MYO15A: variants seen among roughly 807,000 people sequenced by gnomAD.
MYO15A encodes myosin XVA, also known as unconventional myosin-XV.
MYO15A carries 308 observed loss-of-function variants against 394.6 expected under a neutral mutation model. The observed-to-expected ratio is 0.78, with a 90% CI of 0.71 to 0.86. The LOEUF (loss-of-function observed/expected upper bound fraction) is 0.86, where lower values mean the gene tolerates loss of function less well. Among genes scored for constraint, MYO15A ranks in the 40% least tolerant of loss-of-function variants. The pLI is 0.00. For missense variants in MYO15A, 4,606 were observed against 4,799.1 expected (o/e 0.96, Z 1.19); for synonymous variants, 1,957 against 2,003.8 (o/e 0.98, Z 0.62).
chr17:18,120,834 G>C lies in MYO15A; in HGVS notation c.2034G>C (p.Pro678=). 1.7e-6 allele frequency: 2 copies of C among 1,172,968 alleles called. No individual in the cohort carries two copies. Among genetic ancestry groups the C allele is most frequent in the Non-Finnish European group, 2.1e-6 (2 of 950,386 alleles). 72.7% of individuals were successfully genotyped at this position (1,172,968 alleles called of 1,614,324 possible). ...RPPSSGPPPA[P]PLSPALSGLP... ...CAAGCTCCGGGCCCCCGCCCGCGCC[G>C]CCGCTCTCCCCGGCGCTCTCGGGCC... Residue 678 remains proline (P), a synonymous_variant, in exon 2 of 66, where the codon CCG becomes CCC. Transcript: ENST00000647165.
intron 65 of MYO15A, among the ~76,000 whole-genome samples, chr17:18,174,265 T>C (rs1395983180): frequency 6.6e-6 from 1 of 152,074 alleles, no homozygotes; most frequent in Non-Finnish European, 1.5e-5. Context: ...TGACAGATGG[T>C]GAAACTGAGA....
Position 18,149,579 on chromosome 17 carries a change from C to A in MYO15A, c.7211C>A (p.Ala2404Glu), listed in dbSNP as rs375050588. 7 of 1,613,864 alleles carry A rather than the reference C, an allele frequency of 4.3e-6. No homozygotes were observed. Among genetic ancestry groups the A allele is most frequent in the Admixed American group, 1.7e-5 (1 of 60,008 alleles). ...GACCCTGTGCTGTCCTACGGGGATG[C>A]GGTAGGGATGGTGTGGGGTGGGTCA... ...LFDPVLSYGD[A>E]DLEKPTAIAY... Residue 2404 changes from alanine (A) to glutamate (E), a missense_variant and splice_region_variant, in exon 35 of 66, where the codon GCG becomes GAG. By Grantham distance (107) the Ala-to-Glu change is moderately radical. Transcript: ENST00000647165.
chr17:18,178,369 G>A (rs62073651), intron 65 of MYO15A: 1 of 315,792 alleles, frequency 3.2e-6, no homozygotes, highest in South Asian at 2.8e-5. Context: ...ACTCCATCTA[G>A]GAAAAAAAAA....
chr17:18,114,633 C>T (rs2045762965), intron 1 of MYO15A, among the ~76,000 whole-genome samples: 1 of 152,182 alleles, frequency 6.6e-6, no homozygotes, highest in African/African-American at 2.4e-5. Context: ...ATTCTTGTCA[C>T]AGTCACCCCT....
In MYO15A at chr17:18,150,679, T is replaced by C. The variant is rs2142367823; in HGVS notation, c.7328-19T>C. The C allele has an allele frequency of 3.1e-6, 5 of 1,590,218 alleles. No homozygotes were observed. Among genetic ancestry groups the C allele is most frequent in the Non-Finnish European group, 4.3e-6 (5 of 1,166,956 alleles). On this transcript the variant is annotated intron_variant, in intron 36 of 65. Transcript: ENST00000647165. The surrounding 1 kb of genome is among the most constrained non-coding windows in gnomAD (Gnocchi z 4.4). ...GGGCATCTCCGGTGCCATCTGTGCC[T>C]TCTGCCCCCTCCCCTCAGTCCCAGG...
At chr17:18,126,531 C>A in intron 5 of MYO15A, 75 bp downstream of exon 5, 1 of 1,401,152 alleles carries the variant, frequency 7.1e-7, no homozygotes, top group Non-Finnish European at 9.9e-7. Flanking sequence ...TGGATCCCGG[C>A]TGCACCTGAG....
At position 18,132,111 on chromosome 17, in the gene MYO15A, G is replaced by T. The variant is rs1404677934; in HGVS notation, c.4207-342G>T. Reference sequence around the variant, plus strand: ...TGCACAGGAAGTGCTCAGCCATCAAGAAGCTCTGTGTGTGCACATGTGGGC... The same window carrying T: ...TGCACAGGAAGTGCTCAGCCATCAATAAGCTCTGTGTGTGCACATGTGGGC... On this transcript the variant is annotated intron_variant, in intron 10 of 65. Coordinates refer to ENST00000647165, the MANE Select transcript of MYO15A (RefSeq NM_016239.4). The surrounding 1 kb of genome is among the most constrained non-coding windows in gnomAD (Gnocchi z 4.6). 6.6e-6 allele frequency among the ~76,000 whole-genome samples: 1 copy of T among 152,194 alleles called. No homozygotes were observed. The highest frequency in any genetic ancestry group is 6.5e-5 in the Admixed American group (1 of 15,284).
At chr17:18,128,247 C>T (rs1427174034) in intron 7 of MYO15A, among the ~76,000 whole-genome samples, 1 of 151,180 alleles carries the variant, frequency 6.6e-6, no homozygotes, top group African/African-American at 2.4e-5. Flanking sequence ...GAAGAGGTGT[C>T]TGCTAGGCAT....
At position 18,132,346 on chromosome 17, in the gene MYO15A, C is replaced by A; in HGVS notation, c.4207-107C>A. 1 of 863,906 alleles carries A rather than the reference C, an allele frequency of 1.2e-6. No individual in the cohort carries two copies. The highest frequency in any genetic ancestry group is 1.9e-6 in the Non-Finnish European group (1 of 519,304). The allele number at this position is 863,906 out of a possible 1,614,324, so 53.5% of individuals were successfully genotyped here. On this transcript the variant is annotated intron_variant, in intron 10 of 65. Transcript: ENST00000647165. The surrounding 1 kb of genome is among the most constrained non-coding windows in gnomAD (Gnocchi z 4.6). Reference sequence around the variant, plus strand: ...CAGAGGCGCGTGTTCTCATCTGCAGCCCACTGTGTGCATGTGCACTTGTGG... The same window carrying A: ...CAGAGGCGCGTGTTCTCATCTGCAGACCACTGTGTGCATGTGCACTTGTGG...
chr17:18,126,688 G>T, intron 5 of MYO15A, 103 bp from the exon 6 acceptor site: 2 of 1,359,458 alleles, frequency 1.5e-6, no homozygotes, highest in Non-Finnish European at 2.1e-6. Flanking sequence ...GTGAGGGGTG[G>T]GCAGGATTGG....
At chr17:18,171,862 G>A in intron 63 of MYO15A, 91 bp downstream of exon 63, 1 of 1,511,824 alleles carries the variant, frequency 6.6e-7, no homozygotes, top group South Asian at 1.2e-5. Context: ...CTCTTTCTTT[G>A]CACAAAGGCA....
At chr17:18,140,133 G>T (rs147427644) in intron 19 of MYO15A, among the ~76,000 whole-genome samples, 50 of 152,288 alleles carry the variant, frequency 3.3e-4, no homozygotes, top group African/African-American at 1.2e-3. Flanking sequence ...CTATGACAGA[G>T]CACAGGCCTG....
Position 18,136,451 on chromosome 17 carries a change from CTG to C in MYO15A, c.4634_4635del (p.Val1545GlyfsTer56). Reference sequence around the variant, plus strand: ...CGAGAGAAGATCTTCACGCCCCTAACTGTGGAGAGCGCTGTGGATGCCAGGTG... The same window carrying C: ...CGAGAGAAGATCTTCACGCCCCTAACTGGAGAGCGCTGTGGATGCCAGGTG... On this transcript the variant is annotated frameshift_variant, in exon 14 of 66. Transcript: ENST00000647165. LOFTEE classifies it high-confidence loss of function. 1 of 1,613,866 alleles carries C rather than the reference CTG, an allele frequency of 6.2e-7. No homozygotes were observed. The highest frequency in any genetic ancestry group is 8.5e-7 in the Non-Finnish European group (1 of 1,180,032).
chr17:18,142,518 C>A (rs1478975218), intron 24 of MYO15A, among the ~76,000 whole-genome samples: 1 of 152,220 alleles, frequency 6.6e-6, no homozygotes, highest in Non-Finnish European at 1.5e-5. Flanking sequence ...AGATTATAAG[C>A]TGTTGGGAAA....
chr17:18,121,267 TC>T lies in MYO15A; in HGVS notation c.2471del (p.Pro824GlnfsTer39). On this transcript the variant is annotated frameshift_variant, in exon 2 of 66. Transcript: ENST00000647165. LOFTEE classifies it high-confidence loss of function. The surrounding 1 kb of genome is among the most constrained non-coding windows in gnomAD (Gnocchi z 5.3). ...PARRPRSLQESPAPRRAAGRL... is the reference protein window; with the variant it reads ...PARRPRSLQEXPAPRRAAGRL... ...CCGCCGGCCCCGCTCGCTGCAGGAG[TC>T]CCCAGCCCCACGCCGAGCCGCTGGG... 8 of 1,413,292 alleles carry T rather than the reference TC, an allele frequency of 5.7e-6. No homozygotes were observed. Among genetic ancestry groups the T allele is most frequent in the South Asian group, 1.4e-5 (1 of 71,412 alleles). 87.5% of individuals were successfully genotyped at this position (1,413,292 alleles called of 1,614,324 possible). A position where few individuals can be genotyped will look rare whatever the true frequency, so the allele number is the denominator to read the frequency against.
In MYO15A at chr17:18,140,674, G is replaced by A. The variant is rs1040657744; in HGVS notation, c.5360+9G>A. 4 of 1,613,946 alleles carry A rather than the reference G, an allele frequency of 2.5e-6. No homozygotes were observed. Among genetic ancestry groups the A allele is most frequent in the Non-Finnish European group, 3.4e-6 (4 of 1,180,036 alleles). ...GTGGAAAAGATGGAGAGGTGGGGTG[G>A]GGGGCAGGTGGGCGGAGCACCCAGC... On this transcript the variant is annotated intron_variant, in intron 20 of 65. Coordinates refer to ENST00000647165, the MANE Select transcript of MYO15A (RefSeq NM_016239.4).
At chr17:18,175,569 T>C (rs1271237798) in intron 65 of MYO15A, among the ~76,000 whole-genome samples, 1 of 151,858 alleles carries the variant, frequency 6.6e-6, no homozygotes, top group Non-Finnish European at 1.5e-5. Context: ...GGGAGGGGCG[T>C]ACATGTGTAA....
rs377711222 is a variant in MYO15A, at chr17:18,119,286, C to T, written c.486C>T (p.Arg162=). The T allele has an allele frequency of 6.2e-7, 1 of 1,611,738 alleles. No homozygotes were observed. Among genetic ancestry groups the T allele is most frequent in the African/African-American group, 1.3e-5 (1 of 74,916 alleles). The part of the protein sequence containing the change: ...EQATVDAWLQ[R]SSSRMGSRKL... Reference sequence around the variant, plus strand: ...CCACAGTGGACGCCTGGCTGCAGCGCTCGAGCTCCCGCATGGGCTCCCGCA... The same window carrying T: ...CCACAGTGGACGCCTGGCTGCAGCGTTCGAGCTCCCGCATGGGCTCCCGCA... Residue 162 remains arginine (R), a synonymous_variant, in exon 2 of 66, where the codon CGC becomes CGT. Coordinates refer to ENST00000647165, the MANE Select transcript of MYO15A (RefSeq NM_016239.4).
At chr17:18,165,900 C>T (rs140167944) in intron 60 of MYO15A, among the ~76,000 whole-genome samples, 38 of 152,332 alleles carry the variant, frequency 2.5e-4, no homozygotes, top group African/African-American at 8.2e-4. Flanking sequence ...TGCCAGGTAC[C>T]TGGCAAGGGG....
Sources: gnomAD v4.1 joint callset for allele counts (sites outside exome capture counted in the v4.1 genomes callset) on GRCh38, gnomAD v4.1.1 for gene constraint, Gnocchi (gnomAD v3.1) non-coding constraint, MANE v1.5 for transcripts, NCBI Gene and HGNC (gene_info 2026-07-23, HGNC 2026-07-21) for gene names.